The following SYNE1 variants were observed in gnomAD, a reference collection of about 807,000 sequenced individuals.
SYNE1 encodes the protein nesprin-1.
Under a neutral mutation model 1,111.0 loss-of-function variants are expected in SYNE1, and 616 were observed. The observed-to-expected ratio is 0.55, with a 90% CI of 0.52 to 0.59. The LOEUF is 0.59. Among genes scored for constraint, SYNE1 ranks in the 20% least tolerant of loss-of-function variants. SYNE1 has a pLI of 0.00. For synonymous variants in SYNE1, 3,855 were observed against 3,825.8 expected (o/e 1.01, Z -0.28); for missense variants, 10,006 against 10,417.0 (o/e 0.96, Z 1.72).
chr6:152,214,674 C>A (rs938968631), intron 122 of SYNE1, among the ~76,000 whole-genome samples: 4 of 152,210 alleles, frequency 2.6e-5, no homozygotes, highest in African/African-American at 9.6e-5. Flanking sequence ...GACACAGCAA[C>A]TCTCCCCTCC....
intron 113 of SYNE1, among the ~76,000 whole-genome samples, 175 bp from the exon 114 acceptor site, chr6:152,231,742 T>C (rs1189406587): frequency 6.6e-6 from 1 of 151,690 alleles, no homozygotes; most frequent in African/African-American, 2.4e-5. Flanking sequence ...GAATATATAT[T>C]TGTATACGTT....
chr6:152,337,606 A>C (rs1280742558), intron 75 of SYNE1, among the ~76,000 whole-genome samples: 1 of 152,210 alleles, frequency 6.6e-6, no homozygotes, highest in East Asian at 1.9e-4. Context: ...AATAAGTTTT[A>C]TCAATGTATT....
At chr6:152,149,176 T>C (rs1192293984) in intron 136 of SYNE1, among the ~76,000 whole-genome samples, 3 of 152,238 alleles carry the variant, frequency 2.0e-5, no homozygotes, top group Non-Finnish European at 2.9e-5. Context: ...CCATAGAAGA[T>C]ATGAGCCAAA....
chr6:152,445,563 C>A (rs914154157), intron 29 of SYNE1, among the ~76,000 whole-genome samples: 3 of 152,012 alleles, frequency 2.0e-5, no homozygotes, highest in African/African-American at 7.2e-5. Context: ...CTTTGACTCT[C>A]TTCTGATCTA....
At chr6:152,183,522 G>C (rs1008480986) in intron 128 of SYNE1, among the ~76,000 whole-genome samples, 1 of 152,006 alleles carries the variant, frequency 6.6e-6, no homozygotes, top group African/African-American at 2.4e-5. Context: ...AATCGCTTGA[G>C]CCCGGGAGGC....
chr6:152,557,349 A>T (rs982270045), intron 3 of SYNE1, among the ~76,000 whole-genome samples: 3 of 152,118 alleles, frequency 2.0e-5, no homozygotes, highest in Admixed American at 1.3e-4. Flanking sequence ...TATACATATT[A>T]TGTGAGTTTC....
chr6:152,523,043 A>C (rs1252362592), intron 5 of SYNE1, among the ~76,000 whole-genome samples: 1 of 151,878 alleles, frequency 6.6e-6, no homozygotes, highest in Non-Finnish European at 1.5e-5. Context: ...GCTTGCAGAA[A>C]CTTTTTAGTT....
At chr6:152,243,452 G>C (rs1355017592) in intron 106 of SYNE1, among the ~76,000 whole-genome samples, 1 of 152,160 alleles carries the variant, frequency 6.6e-6, no homozygotes, top group Admixed American at 6.5e-5. Context: ...AAATTTATTT[G>C]AGGCATACGG....
chr6:152,139,811 G>A (rs1005508419), intron 140 of SYNE1, 139 bp downstream of exon 140: 184 of 822,990 alleles, frequency 2.2e-4, no homozygotes, highest in Middle Eastern at 3.4e-4. Flanking sequence ...TGGAGGTGAG[G>A]AGAGCATTCT....
intron 35 of SYNE1, 85 bp from the exon 36 acceptor site, chr6:152,430,295 C>G (rs1592539457): frequency 4.9e-6 from 6 of 1,219,790 alleles, no homozygotes; most frequent in Non-Finnish European, 7.1e-6. Flanking sequence ...AATGGCATAC[C>G]TACCTTTTAT....
At chr6:152,449,215 T>G (rs1230399943) in intron 28 of SYNE1, among the ~76,000 whole-genome samples, 1 of 152,198 alleles carries the variant, frequency 6.6e-6, no homozygotes, top group African/African-American at 2.4e-5. Context: ...AAGCATACAG[T>G]GTTCTTGTTT....
At chr6:152,420,490 C>T (rs751065945) in intron 39 of SYNE1, among the ~76,000 whole-genome samples, 13 of 152,076 alleles carry the variant, frequency 8.5e-5, no homozygotes, top group Non-Finnish European at 1.8e-4. Context: ...TGTGCTGGTG[C>T]ACACCTGTAA....
At chr6:152,171,395 A>G (rs983129952) in intron 130 of SYNE1, among the ~76,000 whole-genome samples, 1 of 152,232 alleles carries the variant, frequency 6.6e-6, no homozygotes, top group African/African-American at 2.4e-5. Context: ...AGTGACTGCT[A>G]TGTGCAAAGA....
At chr6:152,496,180 C>T (rs1047833007) in intron 11 of SYNE1, among the ~76,000 whole-genome samples, 2 of 152,144 alleles carry the variant, frequency 1.3e-5, no homozygotes, top group African/African-American at 4.8e-5. Flanking sequence ...CCTCATGACA[C>T]CAACACTTCA....
rs192389876 is a variant in SYNE1, at chr6:152,282,592, A to G, written c.18208-612T>C. On this transcript the variant is annotated intron_variant, in intron 96 of 145. Coordinates refer to ENST00000367255, the MANE Select transcript of SYNE1 (RefSeq NM_182961.4). ...TCAATCGCTTCATTTTGAAACCCCC[A>G]CAAGTTTTTCATAGAGTTACTGGGG... is the stretch of plus-strand genomic sequence containing the variant. Among the ~76,000 whole-genome samples, 1,101 of 152,266 alleles carry G rather than the reference A, an allele frequency of 7.2e-3. 16 individuals carry two copies. Among genetic ancestry groups the G allele is most frequent in the African/African-American group, 0.025 (1,037 of 41,550 alleles).
intron 78 of SYNE1, among the ~76,000 whole-genome samples, chr6:152,327,549 G>A (rs964012264): frequency 1.3e-5 from 2 of 152,182 alleles, no homozygotes; most frequent in African/African-American, 2.4e-5. Context: ...CTGTGCAAGC[G>A]AAGATGCATA....
intron 51 of SYNE1, among the ~76,000 whole-genome samples, chr6:152,393,802 A>G (rs1396681586): frequency 6.6e-6 from 1 of 151,074 alleles, no homozygotes; most frequent in Non-Finnish European, 1.5e-5. Context: ...ACAGAAAATG[A>G]CTATGATCTG....
At chr6:152,585,514 T>C (rs891809123) in intron 3 of SYNE1, among the ~76,000 whole-genome samples, 22 of 152,246 alleles carry the variant, frequency 1.4e-4, no homozygotes, top group Non-Finnish European at 2.9e-5. Context: ...ACTGACTGGT[T>C]TTCCTTTTTG....
intron 5 of SYNE1, among the ~76,000 whole-genome samples, chr6:152,521,279 A>G (rs999073795): frequency 2.6e-5 from 4 of 152,048 alleles, no homozygotes; most frequent in East Asian, 1.9e-4. Flanking sequence ...TGAATGTGCT[A>G]TTTCCAGGTT....
Sources: gnomAD v4.1 joint callset for allele counts (sites outside exome capture counted in the v4.1 genomes callset) on GRCh38, gnomAD v4.1.1 for gene constraint, MANE v1.5 for transcripts, NCBI Gene and HGNC (gene_info 2026-07-23, HGNC 2026-07-21) for gene names.